The following TSHZ2 variants were observed in gnomAD, a reference collection of about 807,000 sequenced individuals.
The protein encoded by TSHZ2 is teashirt homolog 2.
TSHZ2 carries 21 observed loss-of-function variants against 74.4 expected under a neutral mutation model. The observed-to-expected ratio is 0.28, with a 90% confidence interval of 0.20 to 0.41. The LOEUF (loss-of-function observed/expected upper bound fraction) is 0.41, where lower values mean the gene tolerates loss of function less well. TSHZ2 is among the 10% of genes least tolerant of loss of function. The probability of loss-of-function intolerance (pLI) is 1.00; values close to 1 mark genes in which losing one functional copy is unlikely to be tolerated. For missense variants in TSHZ2, 1,244 were observed against 1,293.5 expected (o/e 0.96, Z 0.59); for synonymous variants, 540 against 515.3 (o/e 1.05, Z -0.65).
At chr20:53,441,210 C>CTTAT (rs138120801) in intron 2 of TSHZ2, among the ~76,000 whole-genome samples, 291 of 123,372 alleles carry the variant, frequency 2.4e-3, no homozygotes, top group African/African-American at 6.1e-3. Context: ...CATTATAACC[C>CTTAT]TTATTTATTT....
chr20:53,396,864 CAG>C (rs1982469301), intron 2 of TSHZ2, among the ~76,000 whole-genome samples: 2 of 120,294 alleles, frequency 1.7e-5, no homozygotes, highest in South Asian at 2.6e-4. Context: ...AAAAAAAAAA[CAG>C]AGAGAGAATG....
intron 2 of TSHZ2, among the ~76,000 whole-genome samples, chr20:53,472,774 C>G (rs1985855928): frequency 1.3e-5 from 2 of 150,754 alleles, no homozygotes; most frequent in South Asian, 4.2e-4. Context: ...GAGTGGCAGA[C>G]AGTGGGCGCA....
chr20:53,372,309 C>A (rs1401554650), intron 2 of TSHZ2, among the ~76,000 whole-genome samples: 1 of 152,036 alleles, frequency 6.6e-6, no homozygotes, highest in Non-Finnish European at 1.5e-5. Flanking sequence ...AACCCCATCT[C>A]TACTGAAAAA....
chr20:53,255,348 G>C lies in TSHZ2; in HGVS notation c.1890G>C (p.Glu630Asp), dbSNP rs777986531. Reference protein sequence around the residue: ...HEEASSFSHSEGDSFRKSETP... With the variant: ...HEEASSFSHSDGDSFRKSETP... ...AGGCCTCATCTTTCAGCCACAGTGA[G>C]GGCGATTCTTTCCGCAAAAGTGAAA... Residue 630 changes from glutamate to aspartate, a missense_variant, in exon 2 of 3, where the codon GAG (glutamate) becomes GAC (aspartate). Glu to Asp is a conservative substitution (Grantham distance 45, BLOSUM62 2). Around this residue, in one of 6 missense-constraint regions of TSHZ2, gnomAD observed 562 missense variants for 544.0 expected, o/e 1.03. Coordinates refer to ENST00000371497, the MANE Select transcript of TSHZ2 (RefSeq NM_173485.6). This position sits in a 1 kb window ranked among gnomAD's most constrained non-coding sequence, Gnocchi z 4.1. 1.9e-6 allele frequency: 3 copies of C among 1,614,120 alleles called. No individual in the cohort carries two copies. Among genetic ancestry groups the C allele is most frequent in the Admixed American group, 3.3e-5 (2 of 60,024 alleles).
intron 1 of TSHZ2, among the ~76,000 whole-genome samples, chr20:53,001,220 G>GTGTGTGTATGTGTGTGTGTGTGTA (rs1305864427): frequency 2.1e-5 from 3 of 146,302 alleles, no homozygotes; most frequent in African/African-American, 5.2e-5. Flanking sequence ...GTGTGTGTGT[G>GTGTGTGTATGTGTGTGTGTGTGTA]TGTGTGTGTG....
rs143773462 is a variant in TSHZ2 at position 53,269,773 on chromosome 20, T to A, written c.*8+13202T>A. 7.3e-3 allele frequency among the ~76,000 whole-genome samples: 1,099 copies of A among 150,970 alleles called. 19 individuals are homozygous for A. The highest frequency in any genetic ancestry group is 0.026 in the African/African-American group (1,042 of 40,774). Reference sequence around the variant, plus strand: ...GTAACTAACCTGCACAATGTGCACATGTACCCTAAAACTTAGAGTATAATA... The same window carrying A: ...GTAACTAACCTGCACAATGTGCACAAGTACCCTAAAACTTAGAGTATAATA... On this transcript the variant is annotated intron_variant, in intron 2 of 2. Coordinates refer to ENST00000371497, the MANE Select transcript of TSHZ2 (RefSeq NM_173485.6).
intron 2 of TSHZ2, among the ~76,000 whole-genome samples, chr20:53,355,262 C>A (rs973781082): frequency 6.6e-6 from 1 of 152,110 alleles, no homozygotes. Context: ...AGACAAGAGC[C>A]CTCCTTTGGG....
intron 1 of TSHZ2, among the ~76,000 whole-genome samples, chr20:53,205,905 C>T (rs1989156791): frequency 6.6e-6 from 1 of 152,148 alleles, no homozygotes; most frequent in African/African-American, 2.4e-5. Context: ...TTCTTTAAGG[C>T]TTAGTTCCCT....
intron 1 of TSHZ2, among the ~76,000 whole-genome samples, chr20:53,061,034 C>T (rs1193866605): frequency 5.3e-5 from 8 of 152,130 alleles, no homozygotes; most frequent in East Asian, 3.8e-4. Flanking sequence ...AGTACCTTAC[C>T]GGTAGGTACA....
At chr20:53,376,566 G>A (rs1395727575) in intron 2 of TSHZ2, among the ~76,000 whole-genome samples, 2 of 152,336 alleles carry the variant, frequency 1.3e-5, no homozygotes, top group African/African-American at 4.8e-5. Context: ...CAGCTAGGAT[G>A]TCTCATTTAG....
At chr20:53,416,956 A>G (rs1054414777) in intron 2 of TSHZ2, among the ~76,000 whole-genome samples, 1 of 152,216 alleles carries the variant, frequency 6.6e-6, no homozygotes, top group African/African-American at 2.4e-5. Flanking sequence ...ACAGAAGACT[A>G]AAAGTTTTGG....
At chr20:53,418,824 G>A (rs1983365974) in intron 2 of TSHZ2, among the ~76,000 whole-genome samples, 1 of 152,172 alleles carries the variant, frequency 6.6e-6, no homozygotes, top group Non-Finnish European at 1.5e-5. Flanking sequence ...TCCCAGCTCA[G>A]TCCAGGCCGC....
At chr20:53,380,139 A>AGTGTGT (rs3222593) in intron 2 of TSHZ2, among the ~76,000 whole-genome samples, 111 of 149,518 alleles carry the variant, frequency 7.4e-4, no homozygotes, top group East Asian at 2.0e-3. Flanking sequence ...ATGGTTGGAG[A>AGTGTGT]GTGTGTGTGT....
chr20:53,306,711 A>T (rs1367819345), intron 2 of TSHZ2, among the ~76,000 whole-genome samples: 2 of 152,346 alleles, frequency 1.3e-5, no homozygotes, highest in East Asian at 3.9e-4. Context: ...ACGCCCTCAT[A>T]ATTAAGAAAG....
At chr20:53,240,028 C>T (rs922547828) in intron 1 of TSHZ2, among the ~76,000 whole-genome samples, 3 of 152,100 alleles carry the variant, frequency 2.0e-5, no homozygotes, top group Non-Finnish European at 2.9e-5. Flanking sequence ...ACAAAATCTT[C>T]AGGTAGAGTT....
intron 1 of TSHZ2, among the ~76,000 whole-genome samples, chr20:53,163,348 C>T (rs544973334): frequency 4.4e-5 from 6 of 136,562 alleles, no homozygotes; most frequent in South Asian, 2.5e-4. Context: ...AGTGCACGCA[C>T]GCTCTCTGTC....
At chr20:53,267,916 T>C (rs1308648167) in intron 2 of TSHZ2, among the ~76,000 whole-genome samples, 1 of 152,196 alleles carries the variant, frequency 6.6e-6, no homozygotes, top group African/African-American at 2.4e-5. Context: ...CTTTAAGAGC[T>C]CTAGTGATTG....
At chr20:53,223,085 G>A (rs1355961169) in intron 1 of TSHZ2, among the ~76,000 whole-genome samples, 1 of 151,964 alleles carries the variant, frequency 6.6e-6, no homozygotes, top group African/African-American at 2.4e-5. Context: ...CAGCTTGGGT[G>A]TCTAATATGT....
chr20:53,137,063 G>C (rs190166267), intron 1 of TSHZ2, among the ~76,000 whole-genome samples: 2 of 152,236 alleles, frequency 1.3e-5, no homozygotes, highest in Admixed American at 1.3e-4. Flanking sequence ...CCTGTGTGGG[G>C]ATGGCGCTTG....
Sources: allele counts gnomAD v4.1 joint callset (sites outside exome capture counted in the v4.1 genomes callset), GRCh38; gene constraint gnomAD v4.1.1; regional missense constraint gnomAD v4.1.1; non-coding constraint Gnocchi (gnomAD v3.1); transcripts MANE v1.5; gene names NCBI Gene and HGNC (gene_info 2026-07-23, HGNC 2026-07-21).